The following FER1L6 variants were observed in gnomAD, a reference collection of about 807,000 sequenced individuals.
The protein encoded by FER1L6 is fer-1 like family member 6.
A neutral mutation model predicts 219.2 loss-of-function variants in FER1L6; 177 were observed. The ratio of observed to expected loss-of-function variants is 0.81; its 90% CI spans 0.71 to 0.91. The LOEUF is 0.91. Among genes scored for constraint, FER1L6 ranks in the 40% least tolerant of loss-of-function variants. The probability of loss-of-function intolerance (pLI) is 0.00; values close to 1 mark genes in which losing one functional copy is unlikely to be tolerated. For missense variants in FER1L6, 2,153 were observed against 2,259.9 expected, an observed-to-expected ratio of 0.95 and a Z score of 0.96; for synonymous variants, 768 against 824.3, an observed-to-expected ratio of 0.93 and a Z score of 1.17.
chr8:123,934,104 T>C (rs1312059033), intron 1 of FER1L6, among the ~76,000 whole-genome samples: 2 of 152,182 alleles, frequency 1.3e-5, no homozygotes, highest in Admixed American at 6.5e-5. Context: ...ATTGGTATAA[T>C]ACTATACTAT....
At chr8:123,856,619 A>G (rs1816654873) in intron 1 of FER1L6, among the ~76,000 whole-genome samples, 1 of 151,592 alleles carries the variant, frequency 6.6e-6, no homozygotes, top group Non-Finnish European at 1.5e-5. Context: ...TTTTGACAAG[A>G]GATTTCAGAA....
rs371745813 is a variant in FER1L6, at chr8:123,995,700, T to C, written c.1520-7467T>C. Among the ~76,000 whole-genome samples the C allele has an allele frequency of 1.5e-3, 230 of 152,262 alleles. 1 individual carries two copies. Among genetic ancestry groups the C allele is most frequent in the African/African-American group, 5.2e-3 (218 of 41,578 alleles). On this transcript the variant is annotated intron_variant, in intron 12 of 40. Coordinates refer to ENST00000522917, the MANE Select transcript of FER1L6 (RefSeq NM_001039112.2). The stretch of plus-strand genomic sequence containing the variant: ...GCTCTGCTCTGTATTTCTTTCCTTA[T>C]ACTAATTTTGAATTTGTTTGCTCTT...
At chr8:124,012,820 A>G (rs144307417) in intron 14 of FER1L6, among the ~76,000 whole-genome samples, 4 of 152,366 alleles carry the variant, frequency 2.6e-5, no homozygotes, top group African/African-American at 9.6e-5. Context: ...GCAAAGGAGT[A>G]GTAACACATA....
intron 39 of FER1L6, among the ~76,000 whole-genome samples, chr8:124,108,875 C>A (rs377075575): frequency 6.6e-6 from 1 of 151,718 alleles, no homozygotes; most frequent in Non-Finnish European, 1.5e-5. Context: ...GAGTCCCTGT[C>A]TCTATAGAAA....
rs1821926065 is a variant in FER1L6, at chr8:124,089,410, C to A, written c.4392-2013C>A. 3.3e-5 allele frequency among the ~76,000 whole-genome samples: 5 copies of A among 152,190 alleles called. No individual in the cohort carries two copies. In the South Asian group the frequency reaches 1.0e-3, roughly 32 times the overall value. ...TGGGGGAGGAGTGGCATAGGCAATT[C>A]AAGACTGTCTTTCTTACCCTCTTTA... On this transcript the variant is annotated intron_variant, in intron 33 of 40. Transcript: ENST00000522917.
chr8:124,067,489 G>A (rs866503433), intron 27 of FER1L6, among the ~76,000 whole-genome samples: 6 of 152,304 alleles, frequency 3.9e-5, no homozygotes, highest in Middle Eastern at 3.4e-3. Context: ...TGCTTGCCTC[G>A]TGGCTGAGAG....
In FER1L6 at chr8:123,883,460, C is replaced by T. The variant is rs531483043; in HGVS notation, c.-8+31275C>T. Among the ~76,000 whole-genome samples the T allele has an allele frequency of 8.5e-5, 13 of 152,258 alleles. No individual in the cohort carries two copies. The East Asian group carries it at 2.5e-3, about 29-fold the overall frequency. On this transcript the variant is annotated intron_variant, in intron 1 of 40. Coordinates refer to ENST00000522917, the MANE Select transcript of FER1L6 (RefSeq NM_001039112.2). ...TAGTCTCTGAAACTTTACAGAAGGC[C>T]TTGTATGCACAGTAAACACTCAGTG...
chr8:124,069,968 G>A (rs1160387505), intron 29 of FER1L6, among the ~76,000 whole-genome samples: 1 of 152,156 alleles, frequency 6.6e-6, no homozygotes, highest in Non-Finnish European at 1.5e-5. Flanking sequence ...AGTTGAATAA[G>A]TAAATTATAC....
intron 20 of FER1L6, among the ~76,000 whole-genome samples, chr8:124,041,396 ATAGAG>A (rs1819486872): frequency 6.6e-6 from 1 of 152,376 alleles, no homozygotes; most frequent in African/African-American, 2.4e-5. Context: ...GACCTCGATG[ATAGAG>A]TAGACTGCAT....
rs770397619 is a variant in FER1L6 at position 124,097,363 on chromosome 8, T to G, written c.4784+4T>G. 6.2e-7 allele frequency: 1 copy of G among 1,603,500 alleles called. No individual in the cohort carries two copies. The highest frequency in any genetic ancestry group is 8.5e-7 in the Non-Finnish European group (1 of 1,171,466). On this transcript the variant is annotated splice_donor_region_variant and intron_variant, in intron 36 of 40. Transcript: ENST00000522917. ...TCTCTCCAAGGCGACCCAAAGGGTA[T>G]GTCAGCTGTAGCCCCAGCTTCAGGG... is the stretch of plus-strand genomic sequence containing the variant.
At chr8:123,877,047 T>C (rs1220130952) in intron 1 of FER1L6, among the ~76,000 whole-genome samples, 1 of 152,236 alleles carries the variant, frequency 6.6e-6, no homozygotes, top group Admixed American at 6.5e-5. Context: ...TCTAGCTCCC[T>C]CCTCACCCAC....
chr8:124,103,187 A>C lies in FER1L6; in HGVS notation c.5167A>C (p.Lys1723Gln). 1 of 1,614,142 alleles carries C rather than the reference A, an allele frequency of 6.2e-7. No homozygotes were observed. Among genetic ancestry groups the C allele is most frequent in the African/African-American group, 1.3e-5 (1 of 75,056 alleles). ...MNLNSFPRAA[K>Q]SAKACDLAKF... The stretch of plus-strand genomic sequence containing the variant: ...CCTCAACAGTTTCCCTCGAGCAGCT[A>C]AGTCTGCCAAAGCCTGTGATCTTGC... The change falls in exon 39 of 41, where the codon AAG becomes CAG. Residue 1723 changes from lysine (K) to glutamine (Q), a missense_variant. By Grantham distance (53) the Lys-to-Gln change is moderately conservative. Coordinates refer to ENST00000522917, the MANE Select transcript of FER1L6 (RefSeq NM_001039112.2).
intron 7 of FER1L6, among the ~76,000 whole-genome samples, chr8:123,973,834 A>T (rs538013611): frequency 1.3e-5 from 2 of 152,118 alleles, no homozygotes; most frequent in African/African-American, 2.4e-5. Context: ...ATCCCACTCT[A>T]TGTCCTAGCT....
intron 1 of FER1L6, among the ~76,000 whole-genome samples, chr8:123,948,628 T>A (rs954258733): frequency 3.3e-5 from 5 of 152,200 alleles, no homozygotes; most frequent in African/African-American, 9.6e-5. Context: ...TCTTTGTTTT[T>A]GTATAAAGAG....
intron 19 of FER1L6, among the ~76,000 whole-genome samples, chr8:124,037,880 C>A (rs1819289089): frequency 6.6e-6 from 1 of 152,132 alleles, no homozygotes; most frequent in South Asian, 2.1e-4. Flanking sequence ...TCCATCCCCT[C>A]CACCAGTGCC....
intron 18 of FER1L6, among the ~76,000 whole-genome samples, chr8:124,027,330 T>C (rs185601166): frequency 6.6e-6 from 1 of 152,294 alleles, no homozygotes; most frequent in Non-Finnish European, 1.5e-5. Flanking sequence ...TTCAAATGGA[T>C]AAAGAATGTT....
intron 10 of FER1L6, among the ~76,000 whole-genome samples, chr8:123,979,039 A>C (rs1563721814): frequency 1.3e-5 from 2 of 152,186 alleles, no homozygotes; most frequent in Non-Finnish European, 2.9e-5. Flanking sequence ...TATCCTTTTC[A>C]ATACAATATT....
rs1823421933 is a variant in FER1L6 at position 124,120,014 on chromosome 8, G to A, written c.*224G>A. On this transcript the variant is annotated 3_prime_UTR_variant, in exon 41 of 41. Transcript: ENST00000522917. ...TTATCCCTTGGGCAGCATGAAATAA[G>A]GCACTTTCACCTCATGGTAATCAAC... The A allele has an allele frequency of 4.7e-6, 2 of 426,062 alleles. No homozygotes were observed. The highest frequency in any genetic ancestry group is 8.2e-6 in the Non-Finnish European group (2 of 244,078). The allele number at this position is 426,062 out of a possible 1,614,324, so 26.4% of individuals were successfully genotyped here. A position where few individuals can be genotyped will look rare whatever the true frequency, so the allele number is the denominator to read the frequency against.
chr8:123,919,722 T>C (rs1157830215), intron 1 of FER1L6, among the ~76,000 whole-genome samples: 1 of 152,170 alleles, frequency 6.6e-6, no homozygotes, highest in African/African-American at 2.4e-5. Flanking sequence ...TGCTCTTTAT[T>C]TGGGTTTATT....
Sources: allele counts gnomAD v4.1 joint callset (sites outside exome capture counted in the v4.1 genomes callset), GRCh38; gene constraint gnomAD v4.1.1; transcripts MANE v1.5; gene names NCBI Gene and HGNC (gene_info 2026-07-23, HGNC 2026-07-21).